MBNL1: variants seen among roughly 807,000 people sequenced by gnomAD.
The protein encoded by MBNL1 is muscleblind-like protein 1.
A neutral mutation model predicts 42.2 loss-of-function variants in MBNL1; 8 were observed. The ratio of observed to expected loss-of-function variants is 0.19; its 90% CI spans 0.11 to 0.34. The LOEUF is 0.34. MBNL1 is among the 10% of genes least tolerant of loss of function. The pLI is 1.00. For missense variants in MBNL1, 309 were observed against 495.3 expected (o/e 0.62, Z 3.57); for synonymous variants, 169 against 173.9 (o/e 0.97, Z 0.22).
chr3:152,368,799 G>C (rs1469385023), intron 2 of MBNL1, among the ~76,000 whole-genome samples: 1 of 152,116 alleles, frequency 6.6e-6, no homozygotes, highest in Non-Finnish European at 1.5e-5. Context: ...GTTCACTCAT[G>C]ATTTGGTTCT....
At chr3:152,425,917 A>G (rs2098923035) in intron 3 of MBNL1, among the ~76,000 whole-genome samples, 1 of 152,236 alleles carries the variant, frequency 6.6e-6, no homozygotes, top group Non-Finnish European at 1.5e-5. Flanking sequence ...TTGCAGCACA[A>G]TTCACAATAG....
At chr3:152,306,411 A>G (rs1288142252) in intron 2 of MBNL1, among the ~76,000 whole-genome samples, 2 of 152,140 alleles carry the variant, frequency 1.3e-5, no homozygotes, top group Non-Finnish European at 2.9e-5. Flanking sequence ...GATTATTTCA[A>G]AATTGCAATG....
chr3:152,339,178 G>A (rs1015296161), intron 2 of MBNL1, among the ~76,000 whole-genome samples: 1 of 151,954 alleles, frequency 6.6e-6, no homozygotes, highest in South Asian at 2.1e-4. Flanking sequence ...GTAGTGCTAG[G>A]GATGCATTAC....
At chr3:152,262,100 C>A (rs774852647) in intron 2 of MBNL1, among the ~76,000 whole-genome samples, 1 of 152,144 alleles carries the variant, frequency 6.6e-6, no homozygotes, top group Non-Finnish European at 1.5e-5. Flanking sequence ...ACTTCTTTAT[C>A]CCCAGTGCCA....
intron 2 of MBNL1, among the ~76,000 whole-genome samples, chr3:152,325,904 A>C (rs1051752127): frequency 6.6e-6 from 1 of 151,978 alleles, no homozygotes; most frequent in Non-Finnish European, 1.5e-5. Flanking sequence ...AACCCCCTCC[A>C]TATATCTATC....
At chr3:152,247,484 G>A (rs2033362743) in intron 2 of MBNL1, among the ~76,000 whole-genome samples, 1 of 151,618 alleles carries the variant, frequency 6.6e-6, no homozygotes, top group South Asian at 2.1e-4. Flanking sequence ...TAAAGAATAA[G>A]GGTAAGCCAT....
rs1161258865 is a variant in MBNL1 at position 152,455,663 on chromosome 3, A to G, written c.997+86A>G. ...AAATCCACTGCTAAGTTTAACTTAT[A>G]TCTATTGGGCAAGTCCATTTCCCTT... On this transcript the variant is annotated intron_variant, in intron 7 of 9. Transcript: ENST00000324210. The G allele has an allele frequency of 2.5e-6, 3 of 1,197,356 alleles. No individual in the cohort carries two copies. The Admixed American group carries it at 5.3e-5, about 21-fold the overall frequency. The allele number at this position is 1,197,356 out of a possible 1,614,324, so 74.2% of individuals were successfully genotyped here.
At chr3:152,327,994 G>A (rs912245975) in intron 2 of MBNL1, among the ~76,000 whole-genome samples, 1 of 152,022 alleles carries the variant, frequency 6.6e-6, no homozygotes, top group Admixed American at 6.6e-5. Flanking sequence ...AAGAAGAATT[G>A]ATGAGAGAAT....
chr3:152,404,572 C>T (rs898796992), intron 2 of MBNL1, among the ~76,000 whole-genome samples: 3 of 151,880 alleles, frequency 2.0e-5, no homozygotes, highest in Non-Finnish European at 4.4e-5. Context: ...TGTTTTTCCT[C>T]TCTGATTTCC....
intron 2 of MBNL1, among the ~76,000 whole-genome samples, chr3:152,314,433 T>C (rs1451916251): frequency 6.6e-6 from 1 of 151,290 alleles, no homozygotes; most frequent in Non-Finnish European, 1.5e-5. Context: ...TGGAGTACAA[T>C]AGCGTGATCT....
chr3:152,349,019 AATGC>A (rs2094611769), intron 2 of MBNL1, among the ~76,000 whole-genome samples: 1 of 152,068 alleles, frequency 6.6e-6, no homozygotes. Flanking sequence ...CTGGGAACAG[AATGC>A]ATGGTTACAA....
chr3:152,432,088 G>A (rs1311202140), intron 3 of MBNL1, among the ~76,000 whole-genome samples: 1 of 152,086 alleles, frequency 6.6e-6, no homozygotes, highest in Non-Finnish European at 1.5e-5. Flanking sequence ...ATAGGCTAGT[G>A]GAACACTTAT....
At chr3:152,364,108 G>A (rs1337408710) in intron 2 of MBNL1, among the ~76,000 whole-genome samples, 1 of 151,758 alleles carries the variant, frequency 6.6e-6, no homozygotes, top group Non-Finnish European at 1.5e-5. Context: ...ATTTTTCATG[G>A]ACAACTCCTG....
intron 1 of MBNL1, among the ~76,000 whole-genome samples, chr3:152,284,573 A>G (rs1440041999): frequency 6.6e-6 from 1 of 152,060 alleles, no homozygotes; most frequent in Non-Finnish European, 1.5e-5. Flanking sequence ...AAAGATCGCA[A>G]AAACTGAAAT....
chr3:152,452,260 G>A (rs993919491), intron 6 of MBNL1, among the ~76,000 whole-genome samples: 12 of 152,080 alleles, frequency 7.9e-5, no homozygotes, highest in African/African-American at 2.2e-4. Flanking sequence ...ATGAAATTAC[G>A]GCGTGTAAGA....
chr3:152,268,600 G>C (rs1018425684), upstream of MBNL1: 4 of 377,658 alleles, frequency 1.1e-5, no homozygotes, highest in Non-Finnish European at 2.1e-5. Context: ...AATGCTGAAC[G>C]CATGAGATGG....
At chr3:152,460,621 A>T (rs1743946411) in intron 9 of MBNL1, among the ~76,000 whole-genome samples, 1 of 151,904 alleles carries the variant, frequency 6.6e-6, no homozygotes, top group Admixed American at 6.6e-5. Flanking sequence ...TAAAAAAAAA[A>T]ACAAAAAAAA....
chr3:152,445,620 T>C (rs2099212152), intron 5 of MBNL1, 81 bp downstream of exon 5: 4 of 1,425,880 alleles, frequency 2.8e-6, no homozygotes, highest in Non-Finnish European at 3.8e-6. Context: ...AAGCTATTCA[T>C]TTAGTAACCT....
intron 2 of MBNL1, among the ~76,000 whole-genome samples, chr3:152,357,185 A>G (rs1393019751): frequency 6.6e-6 from 1 of 152,184 alleles, no homozygotes; most frequent in East Asian, 1.9e-4. Context: ...AACTTCAAGA[A>G]TGGTAGCTGT....
Sources: gnomAD v4.1 joint callset for allele counts (sites outside exome capture counted in the v4.1 genomes callset) on GRCh38, gnomAD v4.1.1 for gene constraint, MANE v1.5 for transcripts, NCBI Gene and HGNC (gene_info 2026-07-23, HGNC 2026-07-21) for gene names.